IGF2BP2: variants seen among roughly 807,000 people sequenced by gnomAD.
IGF2BP2 encodes the protein insulin like growth factor 2 mRNA binding protein 2, also known as insulin-like growth factor 2 mRNA-binding protein 2.
IGF2BP2 carries 17 observed loss-of-function variants against 75.8 expected under a neutral mutation model. That is an observed-to-expected ratio of 0.22 (90% CI 0.15 to 0.34). The LOEUF (loss-of-function observed/expected upper bound fraction) is 0.34. Among genes scored for constraint, IGF2BP2 ranks in the 10% least tolerant of loss-of-function variants. IGF2BP2 has a pLI of 1.00. For missense variants in IGF2BP2, 516 were observed against 772.4 expected (o/e 0.67, Z 3.93); for synonymous variants, 288 against 295.6 (o/e 0.97, Z 0.26).
At chr3:185,668,182 T>G (rs1717939250) in intron 10 of IGF2BP2, among the ~76,000 whole-genome samples, 1 of 152,182 alleles carries the variant, frequency 6.6e-6, no homozygotes, top group Admixed American at 6.5e-5. Context: ...AAAACTAGTG[T>G]GCTGGTTACA....
intron 4 of IGF2BP2, among the ~76,000 whole-genome samples, chr3:185,693,471 G>A (rs1217030033): frequency 6.6e-6 from 1 of 151,984 alleles, no homozygotes; most frequent in Admixed American, 6.6e-5. Context: ...GTTTCCCTTT[G>A]ACTGAACTCT....
chr3:185,677,386 T>C (rs1196789739), intron 7 of IGF2BP2, among the ~76,000 whole-genome samples: 3 of 152,074 alleles, frequency 2.0e-5, no homozygotes, highest in African/African-American at 7.2e-5. Flanking sequence ...ACTGCAGTTC[T>C]ACAGTCAGAC....
chr3:185,685,597 C>A (rs1304426810), intron 7 of IGF2BP2, among the ~76,000 whole-genome samples: 2 of 152,294 alleles, frequency 1.3e-5, no homozygotes, highest in African/African-American at 2.4e-5. Context: ...CTCACTACTT[C>A]TCTATAAAAC....
chr3:185,732,526 G>C (rs1468192639), intron 2 of IGF2BP2, among the ~76,000 whole-genome samples: 1 of 152,060 alleles, frequency 6.6e-6, no homozygotes, highest in Non-Finnish European at 1.5e-5. Flanking sequence ...TCCAAATCTG[G>C]GACTTCAAAA....
intron 2 of IGF2BP2, among the ~76,000 whole-genome samples, chr3:185,726,988 G>A (rs1171242664): frequency 6.6e-6 from 1 of 152,150 alleles, no homozygotes; most frequent in Non-Finnish European, 1.5e-5. Flanking sequence ...GGAGGCCAAG[G>A]CGGGTGGATC....
chr3:185,675,132 C>T lies in IGF2BP2; in HGVS notation c.1071+164G>A, dbSNP rs1318563371. 17 of 568,630 alleles carry T rather than the reference C, an allele frequency of 3.0e-5. No homozygotes were observed. The Admixed American group carries it at 6.3e-4, about 21-fold the overall frequency. The allele number at this position is 568,630 out of a possible 1,614,324, so 35.2% of individuals were successfully genotyped here. A position where few individuals can be genotyped will look rare whatever the true frequency, so the allele number is the denominator to read the frequency against. On this transcript the variant is annotated intron_variant, in intron 9 of 15. Transcript: ENST00000382199. ...TCTTCACGTGATGTTGTCCAGCGCA[C>T]TTATCATAATTTACTAGTTGGTTTC...
chr3:185,789,676 C>A (rs990855805), intron 2 of IGF2BP2, among the ~76,000 whole-genome samples: 9 of 150,434 alleles, frequency 6.0e-5, no homozygotes, highest in Admixed American at 2.7e-4. Flanking sequence ...AAAAAAAAAA[C>A]CCCTTTTGCT....
chr3:185,657,199 G>C, intron 12 of IGF2BP2, 87 bp downstream of exon 12: 2 of 833,872 alleles, frequency 2.4e-6, no homozygotes, highest in Non-Finnish European at 2.0e-6. Context: ...TGCATGGTGT[G>C]GCGCTGCCTG....
intron 7 of IGF2BP2, among the ~76,000 whole-genome samples, chr3:185,684,646 A>T (rs1720861525): frequency 6.6e-6 from 1 of 152,148 alleles, no homozygotes; most frequent in East Asian, 1.9e-4. Flanking sequence ...GCCTCAAGTG[A>T]TCCGCCCGCT....
intron 10 of IGF2BP2, among the ~76,000 whole-genome samples, chr3:185,665,518 A>AAGGAGG (rs1325141432): frequency 2.8e-5 from 2 of 72,370 alleles, no homozygotes; most frequent in South Asian, 5.5e-4. Context: ...GGAGGAGGAG[A>AAGGAGG]AGGAGGAGGA....
Position 185,784,267 on chromosome 3 carries a change from T to TAGACAGACAAAC in IGF2BP2, c.239+38885_239+38886insGTTTGTCTGTCT, listed in dbSNP as rs1553888830. Among the ~76,000 whole-genome samples the TAGACAGACAAAC allele has an allele frequency of 8.1e-4, 123 of 151,618 alleles. 1 individual carries two copies. Among genetic ancestry groups the TAGACAGACAAAC allele is most frequent in the Non-Finnish European group, 5.4e-4 (37 of 67,944 alleles). ...ATAAACAAGTAGATAGATAGATAGA[T>TAGACAGACAAAC]AGACAGACAGACAGACAGACAAAGT... On this transcript the variant is annotated intron_variant, in intron 2 of 15. Coordinates refer to ENST00000382199, the MANE Select transcript of IGF2BP2 (RefSeq NM_006548.6).
At chr3:185,757,037 C>T (rs894879523) in intron 2 of IGF2BP2, among the ~76,000 whole-genome samples, 6 of 152,110 alleles carry the variant, frequency 3.9e-5, no homozygotes, top group African/African-American at 7.2e-5. Context: ...CCAACACTCA[C>T]GATACTCCAT....
chr3:185,713,518 T>C (rs1324410159), intron 2 of IGF2BP2: 1 of 519,278 alleles, frequency 1.9e-6, no homozygotes, highest in Admixed American at 1.9e-5. Flanking sequence ...AAGGCAGGGG[T>C]TTGAGGGGAG....
In IGF2BP2 at chr3:185,801,947, A is replaced by G. The variant is rs376551749; in HGVS notation, c.239+21206T>C. On this transcript the variant is annotated intron_variant, in intron 2 of 15. Transcript: ENST00000382199. ...AACCAAACACCACCTGTTCTCACTC[A>G]TAAGTGGGAGTTGAATGAGAACACG... Among the ~76,000 whole-genome samples the G allele has an allele frequency of 1.9e-4, 29 of 152,144 alleles. No homozygotes were observed. The East Asian group carries it at 4.9e-3, about 26-fold the overall frequency.
At chr3:185,824,684 CCGCCGCCGGG>C (rs1741809746) in intron 1 of IGF2BP2, 89 bp downstream of exon 1, 1 of 942,992 alleles carries the variant, frequency 1.1e-6, no homozygotes, top group Non-Finnish European at 1.4e-6. Flanking sequence ...GGCGCGGGAG[CCGCCGCCGGG>C]CGCCGCCCGC....
At chr3:185,671,073 AT>A (rs1718432079) in intron 10 of IGF2BP2, among the ~76,000 whole-genome samples, 1 of 152,182 alleles carries the variant, frequency 6.6e-6, no homozygotes, top group Non-Finnish European at 1.5e-5. Context: ...GACAGCAAAA[AT>A]ACAGAGATGT....
At chr3:185,791,827 C>T (rs1010488314) in intron 2 of IGF2BP2, among the ~76,000 whole-genome samples, 27 of 152,204 alleles carry the variant, frequency 1.8e-4, no homozygotes, top group African/African-American at 6.3e-4. Flanking sequence ...AACAAAAATG[C>T]TACAGTTCCA....
At chr3:185,745,106 C>T (rs1730078573) in intron 2 of IGF2BP2, among the ~76,000 whole-genome samples, 1 of 152,184 alleles carries the variant, frequency 6.6e-6, no homozygotes, top group Non-Finnish European at 1.5e-5. Flanking sequence ...AGGCCTCATT[C>T]CCCTCCACAC....
chr3:185,823,784 G>C (rs935254768), intron 1 of IGF2BP2, among the ~76,000 whole-genome samples: 5 of 151,828 alleles, frequency 3.3e-5, no homozygotes, highest in Admixed American at 6.6e-5. Flanking sequence ...CCGGGGTTCG[G>C]GGGGCGCCGG....
Sources: gnomAD v4.1 joint callset for allele counts (sites outside exome capture counted in the v4.1 genomes callset) on GRCh38, gnomAD v4.1.1 for gene constraint, MANE v1.5 for transcripts, NCBI Gene and HGNC (gene_info 2026-07-23, HGNC 2026-07-21) for gene names.